DLG2: variants seen among roughly 807,000 people sequenced by gnomAD.
The protein encoded by DLG2 is disks large homolog 2.
Under a neutral mutation model 132.5 loss-of-function variants are expected in DLG2, and 45 were observed. That is an observed-to-expected ratio of 0.34 (90% CI 0.27 to 0.44). DLG2 has a LOEUF of 0.44. Ranked by LOEUF, DLG2 falls within the 20% of genes least tolerant of loss-of-function variation. DLG2 has a pLI of 1.00. For synonymous variants in DLG2, 424 were observed against 419.6 expected, an observed-to-expected ratio of 1.01 and a Z score of -0.13; for missense variants, 1,045 against 1,196.9, an observed-to-expected ratio of 0.87 and a Z score of 1.87.
intron 6 of DLG2, among the ~76,000 whole-genome samples, chr11:84,628,095 CATATATACACACATATATATAT>C (rs2099625743): frequency 7.8e-6 from 1 of 127,980 alleles, no homozygotes; most frequent in African/African-American, 2.9e-5. Context: ...TATGTACACA[CATATATACACACATATATATAT>C]ATATATACAC....
intron 7 of DLG2, chr11:84,317,278 A>G (rs1599767930): frequency 1.4e-6 from 2 of 1,475,582 alleles, no homozygotes; most frequent in South Asian, 1.4e-5. Context: ...GACAGCTGCT[A>G]TAAGCAGTGC....
intron 3 of DLG2, among the ~76,000 whole-genome samples, chr11:85,430,268 G>A (rs1457920196): frequency 6.6e-6 from 1 of 150,946 alleles, no homozygotes; most frequent in East Asian, 2.0e-4. Context: ...CGAGTTGATG[G>A]GTGCAGCACA....
At chr11:83,998,787 C>A (rs891984107) in intron 11 of DLG2, among the ~76,000 whole-genome samples, 4 of 152,170 alleles carry the variant, frequency 2.6e-5, no homozygotes, top group Admixed American at 2.6e-4. Flanking sequence ...CTGCCCCCAA[C>A]AGTCTGTGTA....
chr11:85,621,642 AT>A (rs1591382180), intron 2 of DLG2, among the ~76,000 whole-genome samples: 1 of 152,250 alleles, frequency 6.6e-6, no homozygotes, highest in Non-Finnish European at 1.5e-5. Context: ...TGGAATGGAA[AT>A]AGCAAGAGAT....
chr11:84,821,431 T>A (rs1378064071), intron 6 of DLG2, among the ~76,000 whole-genome samples: 1 of 151,746 alleles, frequency 6.6e-6, no homozygotes, highest in African/African-American at 2.4e-5. Flanking sequence ...CGTGACCATA[T>A]TCCAATAAAA....
intron 6 of DLG2, among the ~76,000 whole-genome samples, chr11:84,704,316 A>G (rs2059556087): frequency 6.6e-6 from 1 of 151,564 alleles, no homozygotes; most frequent in Non-Finnish European, 1.5e-5. Context: ...GTTCTTCTGT[A>G]AAGTATTTAA....
At chr11:83,743,444 T>TC in intron 18 of DLG2, among the ~76,000 whole-genome samples, 1 of 144,368 alleles carries the variant, frequency 6.9e-6, no homozygotes, top group East Asian at 2.0e-4. Context: ...TTTTTTTTTT[T>TC]TTTTTATGAC....
At chr11:85,587,781 T>G (rs1294970757) in intron 3 of DLG2, among the ~76,000 whole-genome samples, 1 of 152,212 alleles carries the variant, frequency 6.6e-6, no homozygotes, top group East Asian at 1.9e-4. Context: ...TGTTAGTGTT[T>G]AATAGGCCCT....
chr11:85,195,716 C>T (rs1223646749), intron 4 of DLG2, among the ~76,000 whole-genome samples: 12 of 151,660 alleles, frequency 7.9e-5, no homozygotes, highest in African/African-American at 1.5e-4. Context: ...TTAGTAGAGA[C>T]GGGGTTTCAC....
At chr11:84,973,161 G>T (rs938891314) in intron 6 of DLG2, among the ~76,000 whole-genome samples, 6 of 151,994 alleles carry the variant, frequency 3.9e-5, no homozygotes, top group African/African-American at 7.2e-5. Flanking sequence ...GTTTCGCCAT[G>T]TTGGCCAGGC....
chr11:85,232,028 A>T (rs573186318), intron 4 of DLG2, among the ~76,000 whole-genome samples: 3 of 151,926 alleles, frequency 2.0e-5, no homozygotes, highest in African/African-American at 7.2e-5. Context: ...TCTCATATCT[A>T]GTATCTTACC....
chr11:83,518,678 T>G (rs950394508), intron 21 of DLG2, among the ~76,000 whole-genome samples: 2 of 152,088 alleles, frequency 1.3e-5, no homozygotes, highest in Non-Finnish European at 2.9e-5. Flanking sequence ...ACCAGCAACT[T>G]TAAGTGTCTG....
At chr11:85,450,431 T>C (rs2092196624) in intron 3 of DLG2, among the ~76,000 whole-genome samples, 1 of 152,164 alleles carries the variant, frequency 6.6e-6, no homozygotes, top group African/African-American at 2.4e-5. Context: ...AGGATTACCA[T>C]AATTAGCAAA....
chr11:83,528,108 T>C (rs1327745119), intron 21 of DLG2, among the ~76,000 whole-genome samples: 1 of 152,158 alleles, frequency 6.6e-6, no homozygotes, highest in Non-Finnish European at 1.5e-5. Context: ...GGGAGACCTA[T>C]CCAAATAGAT....
chr11:83,492,527 A>G (rs905755866), intron 21 of DLG2, among the ~76,000 whole-genome samples: 1 of 151,938 alleles, frequency 6.6e-6, no homozygotes, highest in African/African-American at 2.4e-5. Flanking sequence ...CTTTACTTAG[A>G]TATCTAATAC....
At chr11:83,681,002 G>A (rs1298567759) in intron 18 of DLG2, among the ~76,000 whole-genome samples, 1 of 152,068 alleles carries the variant, frequency 6.6e-6, no homozygotes, top group Non-Finnish European at 1.5e-5. Context: ...ATAGTGTACA[G>A]GTAAACACTT....
At chr11:85,008,950 T>G (rs2058924788) in intron 6 of DLG2, among the ~76,000 whole-genome samples, 1 of 152,124 alleles carries the variant, frequency 6.6e-6, no homozygotes, top group Non-Finnish European at 1.5e-5. Context: ...AGATTTGAGT[T>G]TGAATCACAA....
intron 6 of DLG2, among the ~76,000 whole-genome samples, chr11:84,751,434 A>G (rs2066097134): frequency 6.6e-6 from 1 of 152,136 alleles, no homozygotes; most frequent in Admixed American, 6.6e-5. Context: ...GGCATTATTT[A>G]TGATAATTTA....
At chr11:85,120,755 G>A (rs1005775965) in intron 5 of DLG2, among the ~76,000 whole-genome samples, 4 of 151,882 alleles carry the variant, frequency 2.6e-5, no homozygotes, top group Admixed American at 2.6e-4. Flanking sequence ...ATAATAAATG[G>A]TATGATTTAT....
Sources: gnomAD v4.1 joint callset for allele counts (sites outside exome capture counted in the v4.1 genomes callset) on GRCh38, gnomAD v4.1.1 for gene constraint, MANE v1.5 for transcripts, NCBI Gene and HGNC (gene_info 2026-07-23, HGNC 2026-07-21) for gene names.